PCDHGB1: variants seen among roughly 807,000 people sequenced by gnomAD.
PCDHGB1 encodes protocadherin gamma-B1.
A neutral mutation model predicts 56.6 loss-of-function variants in PCDHGB1; 34 were observed. That is an observed-to-expected ratio of 0.60 (90% confidence interval 0.46 to 0.80). The LOEUF (loss-of-function observed/expected upper bound fraction) is 0.80, where lower values mean the gene tolerates loss of function less well. PCDHGB1 is among the 30% of genes least tolerant of loss of function. The pLI is 0.00. For missense variants in PCDHGB1, 1,278 were observed against 1,204.6 expected (o/e 1.06, Z -0.90); for synonymous variants, 561 against 505.9 (o/e 1.11, Z -1.46).
chr5:141,473,148 C>T (rs1381616255), intron 1 of PCDHGB1, among the ~76,000 whole-genome samples: 1 of 152,184 alleles, frequency 6.6e-6, no homozygotes, highest in Non-Finnish European at 1.5e-5. Flanking sequence ...CTCTTCAGAT[C>T]ACTAGGGCTA....
intron 1 of PCDHGB1, chr5:141,355,437 G>A (rs746063927): frequency 5.0e-6 from 8 of 1,613,990 alleles, no homozygotes; most frequent in African/African-American, 1.3e-5. Context: ...CCCTGAACCC[G>A]CGCAGCGGCA....
At chr5:141,427,087 A>G (rs1338132084) in intron 1 of PCDHGB1, 1 of 458,198 alleles carries the variant, frequency 2.2e-6, no homozygotes, top group Non-Finnish European at 4.4e-6. Flanking sequence ...ACTGACCAGG[A>G]TGAGGGTGTC....
At chr5:141,375,095 T>G in intron 1 of PCDHGB1, 1 of 1,613,960 alleles carries the variant, frequency 6.2e-7, no homozygotes. Flanking sequence ...AATAACTATC[T>G]TGGATGTCAA....
At chr5:141,427,839 G>A (rs1276507135) in intron 1 of PCDHGB1, 3 of 1,547,192 alleles carry the variant, frequency 1.9e-6, no homozygotes, top group African/African-American at 2.7e-5. Context: ...GCGTGCCTTC[G>A]ACCACGAGCA....
chr5:141,454,956 G>A (rs62379171), intron 1 of PCDHGB1, among the ~76,000 whole-genome samples: 5,077 of 149,940 alleles, frequency 0.034, 97 homozygotes, highest in Middle Eastern at 0.091. Context: ...TACAGGCGCC[G>A]GCCACCACGC....
intron 1 of PCDHGB1, among the ~76,000 whole-genome samples, chr5:141,425,629 C>G (rs1297803997): frequency 1.3e-5 from 2 of 152,162 alleles, no homozygotes; most frequent in Admixed American, 1.3e-4. Flanking sequence ...CTCCAGTTTT[C>G]TCTGATAAAA....
At chr5:141,399,362 C>G (rs182743080) in intron 1 of PCDHGB1, 1 of 1,613,872 alleles carries the variant, frequency 6.2e-7, no homozygotes, top group Non-Finnish European at 8.5e-7. Context: ...GAGCAAACCC[C>G]GGAGTACAAT....
At chr5:141,399,916 A>G in intron 1 of PCDHGB1, 3 of 1,612,378 alleles carry the variant, frequency 1.9e-6, no homozygotes, top group Non-Finnish European at 1.7e-6. Context: ...CTCAGGACAC[A>G]ACGCCTGGCT....
intron 1 of PCDHGB1, chr5:141,427,962 G>C (rs767684725): frequency 5.0e-6 from 8 of 1,589,982 alleles, no homozygotes; most frequent in Non-Finnish European, 6.9e-6. Flanking sequence ...TGTGCCGCGG[G>C]TGCTGTACCC....
intron 1 of PCDHGB1, chr5:141,395,360 G>A (rs2093220996): frequency 3.9e-6 from 5 of 1,290,318 alleles, no homozygotes; most frequent in Non-Finnish European, 5.2e-6. Context: ...AGAGTTTTGG[G>A]TTTATTTTGG....
rs192747939 is a variant in PCDHGB1 at position 141,487,483 on chromosome 5, T to A, written c.2410-7324T>A. ...TTGTTGATGTGGGAGGCCACTCTCA[T>A]GGCTGTACACCCTTGGCTTCTGCAC... On this transcript the variant is annotated intron_variant, in intron 1 of 3. Transcript: ENST00000523390. This position sits in a 1 kb window ranked among gnomAD's most constrained non-coding sequence, Gnocchi z 5.0. 1 of 1,614,224 alleles carries A rather than the reference T, an allele frequency of 6.2e-7. No individual in the cohort carries two copies. The highest frequency in any genetic ancestry group is 1.1e-5 in the South Asian group (1 of 91,084).
chr5:141,476,196 A>G lies in PCDHGB1; in HGVS notation c.2410-18611A>G, dbSNP rs2099386612. The G allele has an allele frequency of 6.2e-7, 1 of 1,613,852 alleles. No individual in the cohort carries two copies. Among genetic ancestry groups the G allele is most frequent in the South Asian group, 1.1e-5 (1 of 91,074 alleles). ...GTTTTGCTTCTGCTTGGTGCCTTGA[A>G]CAAGGCTTCCACGGTCATTCACTAT... On this transcript the variant is annotated intron_variant, in intron 1 of 3. Coordinates refer to ENST00000523390, the MANE Select transcript of PCDHGB1 (RefSeq NM_018922.3). This position sits in a 1 kb window ranked among gnomAD's most constrained non-coding sequence, Gnocchi z 7.6.
rs376734880 is a variant in PCDHGB1 at position 141,400,487 on chromosome 5, T to C, written c.2409+47818T>C. On this transcript the variant is annotated intron_variant, in intron 1 of 3. Coordinates refer to ENST00000523390, the MANE Select transcript of PCDHGB1 (RefSeq NM_018922.3). Reference sequence around the variant, plus strand: ...GATTCATCTGGGGCCTTATTTCCACTTTGTAATTCCAGCGAGTCGACTTCC... The same window carrying C: ...GATTCATCTGGGGCCTTATTTCCACCTTGTAATTCCAGCGAGTCGACTTCC... 4.8e-5 allele frequency: 78 copies of C among 1,613,958 alleles called. No individual in the cohort carries two copies. Among genetic ancestry groups the C allele is most frequent in the Non-Finnish European group, 6.6e-5 (78 of 1,179,896 alleles).
Position 141,491,095 on chromosome 5 carries a change from T to C in PCDHGB1, c.2410-3712T>C, listed in dbSNP as rs1366401829. On this transcript the variant is annotated intron_variant, in intron 1 of 3. Coordinates refer to ENST00000523390, the MANE Select transcript of PCDHGB1 (RefSeq NM_018922.3). The surrounding 1 kb of genome is among the most constrained non-coding windows in gnomAD (Gnocchi z 6.9). ...GCCACAGTCCACAGCCCCAGGACTG[T>C]TCCTCGTGTCTACACACACTGGTGA... The C allele has an allele frequency of 3.7e-6, 6 of 1,614,154 alleles. No homozygotes were observed. The highest frequency in any genetic ancestry group is 4.2e-6 in the Non-Finnish European group (5 of 1,180,014).
intron 1 of PCDHGB1, chr5:141,383,689 G>A (rs773858539): frequency 1.9e-6 from 3 of 1,614,036 alleles, no homozygotes; most frequent in South Asian, 1.1e-5. Flanking sequence ...ACTGCTCACG[G>A]TACATGCTAT....
chr5:141,438,308 C>G (rs2097949954), intron 1 of PCDHGB1, among the ~76,000 whole-genome samples: 1 of 151,766 alleles, frequency 6.6e-6, no homozygotes, highest in Non-Finnish European at 1.5e-5. Context: ...GAAGTTGGTA[C>G]CACCATAATT....
At chr5:141,500,721 ATG>A (rs1209024560) in intron 2 of PCDHGB1, among the ~76,000 whole-genome samples, 1 of 152,088 alleles carries the variant, frequency 6.6e-6, no homozygotes, top group African/African-American at 2.4e-5. Context: ...GAATTTCCCC[ATG>A]TCTTTCAAAA....
chr5:141,475,823 T>C (rs2099373850), intron 1 of PCDHGB1: 1 of 360,288 alleles, frequency 2.8e-6, no homozygotes, highest in Non-Finnish European at 5.0e-6. Context: ...TTCCTGGCGC[T>C]AGCGCGTGTC....
chr5:141,366,539 G>A, intron 1 of PCDHGB1: 1 of 1,614,248 alleles, frequency 6.2e-7, no homozygotes, highest in Non-Finnish European at 8.5e-7. Flanking sequence ...GGGTGTGCCC[G>A]CCTCGCACTT....
Sources: allele counts gnomAD v4.1 joint callset (sites outside exome capture counted in the v4.1 genomes callset), GRCh38; gene constraint gnomAD v4.1.1; non-coding constraint Gnocchi (gnomAD v3.1); transcripts MANE v1.5; gene names NCBI Gene and HGNC (gene_info 2026-07-23, HGNC 2026-07-21).